MAGI2: variants seen among roughly 807,000 people sequenced by gnomAD.
MAGI2 encodes membrane associated guanylate kinase, WW and PDZ domain containing 2, also known as membrane-associated guanylate kinase, WW and PDZ domain-containing protein 2.
In MAGI2, 35 loss-of-function variants were observed where a neutral mutation model predicts 133.3. The observed-to-expected ratio is 0.26, with a 90% CI of 0.20 to 0.35. The LOEUF (loss-of-function observed/expected upper bound fraction) is 0.35, where lower values mean the gene tolerates loss of function less well. MAGI2 is among the 10% of genes least tolerant of loss of function. The pLI, the probability that MAGI2 is intolerant of heterozygous loss-of-function variation, is 1.00. For missense variants in MAGI2, 1,636 were observed against 1,863.4 expected, an observed-to-expected ratio of 0.88 and a Z score of 2.25; for synonymous variants, 729 against 710.6, an observed-to-expected ratio of 1.03 and a Z score of -0.41.
intron 2 of MAGI2, among the ~76,000 whole-genome samples, chr7:78,629,315 C>T (rs187603166): frequency 6.6e-6 from 1 of 152,298 alleles, no homozygotes; most frequent in Admixed American, 6.5e-5. Context: ...TGGCAGTTCA[C>T]CTACCTCATT....
intron 1 of MAGI2, among the ~76,000 whole-genome samples, chr7:79,202,040 A>G (rs1828657488): frequency 2.6e-5 from 4 of 152,022 alleles, no homozygotes; most frequent in Admixed American, 2.0e-4. Flanking sequence ...CACTACTGGT[A>G]TTGTATAGAA....
At chr7:79,449,501 C>T (rs1563236118) in intron 1 of MAGI2, among the ~76,000 whole-genome samples, 1 of 151,910 alleles carries the variant, frequency 6.6e-6, no homozygotes, top group Non-Finnish European at 1.5e-5. Context: ...TAACTGGCTG[C>T]TGTGAACTTT....
chr7:78,504,191 G>A (rs963138036), intron 4 of MAGI2, among the ~76,000 whole-genome samples: 4 of 152,170 alleles, frequency 2.6e-5, no homozygotes, highest in African/African-American at 9.7e-5. Flanking sequence ...ACATTCTAAA[G>A]CTGTCATCAG....
At chr7:78,941,741 C>A (rs4730580) in intron 2 of MAGI2, among the ~76,000 whole-genome samples, 1,730 of 84,500 alleles carry the variant, frequency 0.02, 12 homozygotes, top group Non-Finnish European at 0.029. Context: ...CACACACACA[C>A]ACACACACAC....
intron 1 of MAGI2, among the ~76,000 whole-genome samples, chr7:79,168,856 G>C (rs1825202757): frequency 6.9e-6 from 1 of 145,940 alleles, no homozygotes; most frequent in Non-Finnish European, 1.5e-5. Flanking sequence ...TTTGGTGACA[G>C]TAATGTCTGC....
chr7:78,461,040 A>G (rs2110872), intron 6 of MAGI2, among the ~76,000 whole-genome samples: 31,330 of 151,334 alleles, frequency 0.21, 3,407 homozygotes, highest in Admixed American at 0.29. Flanking sequence ...CTTTCTAACA[A>G]CCTTTCTATC....
chr7:78,597,884 A>C (rs1804787073), intron 3 of MAGI2, among the ~76,000 whole-genome samples: 1 of 150,978 alleles, frequency 6.6e-6, no homozygotes, highest in Admixed American at 6.6e-5. Context: ...CCATAGAGTG[A>C]TTTACTTGGT....
chr7:78,895,592 C>T (rs1372415334), intron 2 of MAGI2, among the ~76,000 whole-genome samples: 9 of 152,024 alleles, frequency 5.9e-5, no homozygotes, highest in Non-Finnish European at 1.3e-4. Context: ...GCCCACATCT[C>T]GTGATGCATT....
intron 1 of MAGI2, among the ~76,000 whole-genome samples, chr7:79,168,863 CT>C (rs1825203261): frequency 6.9e-6 from 1 of 144,042 alleles, no homozygotes; most frequent in Non-Finnish European, 1.5e-5. Flanking sequence ...ACAGTAATGT[CT>C]GCCAGGTTTT....
At chr7:78,593,260 C>T (rs554241617) in intron 3 of MAGI2, among the ~76,000 whole-genome samples, 162 of 151,900 alleles carry the variant, frequency 1.1e-3, no homozygotes, top group African/African-American at 2.6e-3. Flanking sequence ...GGCTTGGTGG[C>T]GGGCGCCTGT....
intron 2 of MAGI2, among the ~76,000 whole-genome samples, chr7:78,938,214 CTT>C (rs779163565): frequency 4.6e-5 from 7 of 151,882 alleles, no homozygotes; most frequent in Non-Finnish European, 8.8e-5. Flanking sequence ...GGGAAAAACT[CTT>C]AACGGCAAAT....
At chr7:78,591,764 A>C (rs570515927) in intron 3 of MAGI2, among the ~76,000 whole-genome samples, 4 of 152,364 alleles carry the variant, frequency 2.6e-5, no homozygotes, top group Non-Finnish European at 5.9e-5. Context: ...CTATTGCTTC[A>C]TTCCCAAATG....
chr7:79,448,570 A>ATTTCTCTTTTGAACTTACTCTTT, intron 1 of MAGI2, among the ~76,000 whole-genome samples: 1 of 152,124 alleles, frequency 6.6e-6, no homozygotes, highest in Non-Finnish European at 1.5e-5. Flanking sequence ...TTGTACATAT[A>ATTTCTCTTTTGAACTTACTCTTT]GCTAGCACTA....
intron 1 of MAGI2, among the ~76,000 whole-genome samples, chr7:79,214,630 AAATTTTATATATTTAT>A (rs1036552425): frequency 2.5e-4 from 36 of 141,380 alleles, no homozygotes; most frequent in South Asian, 2.3e-3. Flanking sequence ...AAATATATAT[AAATTTTATATATTTAT>A]AATTTTATAT....
At chr7:78,719,237 A>T (rs1260004833) in intron 2 of MAGI2, among the ~76,000 whole-genome samples, 1 of 152,218 alleles carries the variant, frequency 6.6e-6, no homozygotes, top group African/African-American at 2.4e-5. Context: ...TGTTCCAATC[A>T]ATTTTACATT....
chr7:79,193,312 T>C (rs1459454133), intron 1 of MAGI2, among the ~76,000 whole-genome samples: 3 of 152,140 alleles, frequency 2.0e-5, no homozygotes, highest in Non-Finnish European at 4.4e-5. Context: ...GGGCAACCCA[T>C]AGTTTCTTTT....
chr7:78,741,903 T>C (rs773366565), intron 2 of MAGI2, among the ~76,000 whole-genome samples: 1 of 151,994 alleles, frequency 6.6e-6, no homozygotes, highest in Non-Finnish European at 1.5e-5. Flanking sequence ...TTGTCAGTCA[T>C]GCCAAAAAAA....
chr7:79,443,285 C>CGCGTGT (rs1554486115), intron 1 of MAGI2, among the ~76,000 whole-genome samples: 2 of 139,430 alleles, frequency 1.4e-5, no homozygotes, highest in African/African-American at 5.7e-5. Flanking sequence ...TGTGTGTGTG[C>CGCGTGT]GTGTGTGTGT....
Position 78,542,911 on chromosome 7 carries a change from C to T in MAGI2, c.539-21266G>A, listed in dbSNP as rs118110198. ...GGAGGGGACCAAGAGAACAGGAAGA[C>T]GGTTTGAAGACTAGATTAGAAGTGT... is the stretch of plus-strand genomic sequence containing the variant. On this transcript the variant is annotated intron_variant, in intron 3 of 21. Coordinates refer to ENST00000354212, the MANE Select transcript of MAGI2 (RefSeq NM_012301.4). Among the ~76,000 whole-genome samples, 467 of 152,234 alleles carry T rather than the reference C, an allele frequency of 3.1e-3. 1 individual carries two copies. Among genetic ancestry groups the T allele is most frequent in the Middle Eastern group, 0.024 (7 of 294 alleles).
Sources: allele counts gnomAD v4.1 joint callset (sites outside exome capture counted in the v4.1 genomes callset), GRCh38; gene constraint gnomAD v4.1.1; transcripts MANE v1.5; gene names NCBI Gene and HGNC (gene_info 2026-07-23, HGNC 2026-07-21).